The following SEZ6L variants were observed in gnomAD, a reference collection of about 807,000 sequenced individuals.
SEZ6L encodes the protein seizure related 6 homolog like.
SEZ6L carries 37 observed loss-of-function variants against 106.2 expected under a neutral mutation model. The ratio of observed to expected loss-of-function variants is 0.35; its 90% confidence interval spans 0.27 to 0.46. SEZ6L has a LOEUF of 0.46. Ranked by LOEUF, SEZ6L falls within the 20% of genes least tolerant of loss-of-function variation. The pLI is 1.00. For synonymous variants in SEZ6L, 541 were observed against 570.4 expected, an observed-to-expected ratio of 0.95 and a Z score of 0.73; for missense variants, 1,172 against 1,332.8, an observed-to-expected ratio of 0.88 and a Z score of 1.88.
At chr22:26,213,933 AAAAG>A (rs1237108852) in intron 1 of SEZ6L, among the ~76,000 whole-genome samples, 2 of 152,336 alleles carry the variant, frequency 1.3e-5, no homozygotes, top group East Asian at 1.9e-4. Context: ...AAAAAAAAGA[AAAAG>A]AAAGAAAGAT....
chr22:26,301,353 C>A (rs188123292), intron 5 of SEZ6L, among the ~76,000 whole-genome samples: 1 of 152,216 alleles, frequency 6.6e-6, no homozygotes, highest in African/African-American at 2.4e-5. Flanking sequence ...ATCCGCCGAG[C>A]GCCCACTGTG....
chr22:26,318,445 T>G (rs1322868086), intron 9 of SEZ6L, among the ~76,000 whole-genome samples: 2 of 150,780 alleles, frequency 1.3e-5, no homozygotes, highest in East Asian at 3.9e-4. Flanking sequence ...GAATCCAAAC[T>G]GAGGACCACC....
At chr22:26,294,255 T>G (rs1365912450) in intron 2 of SEZ6L, 37 bp from the exon 3 acceptor site, 1 of 1,609,448 alleles carries the variant, frequency 6.2e-7, no homozygotes, top group East Asian at 2.2e-5. Flanking sequence ...TACATCCAAG[T>G]TGTCTTTGGT....
intron 1 of SEZ6L, among the ~76,000 whole-genome samples, chr22:26,284,516 G>A (rs1601377835): frequency 6.7e-6 from 1 of 149,736 alleles, no homozygotes; most frequent in African/African-American, 2.5e-5. Context: ...AGATTGAAAT[G>A]GGAGGATCGC....
intron 5 of SEZ6L, among the ~76,000 whole-genome samples, chr22:26,303,010 A>G (rs909526525): frequency 5.3e-5 from 8 of 152,242 alleles, no homozygotes; most frequent in Admixed American, 5.2e-4. Context: ...CCCCATGCCC[A>G]TCGTTTCATT....
At chr22:26,239,880 C>T (rs534535941) in intron 1 of SEZ6L, among the ~76,000 whole-genome samples, 2 of 152,038 alleles carry the variant, frequency 1.3e-5, no homozygotes, top group East Asian at 3.9e-4. Context: ...TCTCTCCCAA[C>T]CCCAATCCCC....
intron 1 of SEZ6L, among the ~76,000 whole-genome samples, chr22:26,280,682 C>A (rs137194): frequency 0.41 from 61,826 of 151,990 alleles, 14,270 homozygotes; most frequent in African/African-American, 0.61. Flanking sequence ...CAATTCTGAG[C>A]TGCTCACCTC....
chr22:26,306,607 C>G lies in SEZ6L; in HGVS notation c.1514+463C>G, dbSNP rs996772125. ...AAAGAATGAAGGAGAAGTTACCAGG[C>G]AATATCTAAGCAAGAGTGTGTCTGT... On this transcript the variant is annotated intron_variant, in intron 6 of 16. Transcript: ENST00000248933. Among the ~76,000 whole-genome samples the G allele has an allele frequency of 2.6e-5, 4 of 152,232 alleles. No homozygotes were observed. The East Asian group carries it at 5.8e-4, about 22-fold the overall frequency.
rs537245063 is a variant in SEZ6L, at chr22:26,313,579, C to T, written c.1877-185C>T. On this transcript the variant is annotated intron_variant, in intron 8 of 16. Transcript: ENST00000248933. ...AGCTCTCATTTAATCATTACACACACACACACACACACACACACACACACG... is the reference window on the plus strand; with the variant it reads ...AGCTCTCATTTAATCATTACACACATACACACACACACACACACACACACG... 2.2e-3 allele frequency among the ~76,000 whole-genome samples: 162 copies of T among 72,686 alleles called. 1 individual carries two copies. Among genetic ancestry groups the T allele is most frequent in the Non-Finnish European group, 3.3e-3 (127 of 38,706 alleles). 47.7% of individuals were successfully genotyped at this position (72,686 alleles called of 152,430 possible).
At chr22:26,179,992 T>G (rs530919207) in intron 1 of SEZ6L, among the ~76,000 whole-genome samples, 1 of 152,338 alleles carries the variant, frequency 6.6e-6, no homozygotes, top group Non-Finnish European at 1.5e-5. Context: ...AAGTGCCCAG[T>G]AGCTATGTGT....
At chr22:26,208,850 C>CTGTG (rs35483380) in intron 1 of SEZ6L, among the ~76,000 whole-genome samples, 2,407 of 111,702 alleles carry the variant, frequency 0.022, 31 homozygotes, top group Non-Finnish European at 0.027. Flanking sequence ...GACTCTCTCT[C>CTGTG]TGTGTGTGTG....
intron 1 of SEZ6L, among the ~76,000 whole-genome samples, chr22:26,251,307 G>A (rs964820709): frequency 3.3e-5 from 5 of 149,536 alleles, no homozygotes; most frequent in Non-Finnish European, 7.4e-5. Flanking sequence ...TTGTGTTGAG[G>A]TATTCTCCTT....
At chr22:26,348,596 GAA>G (rs2083103922) in intron 11 of SEZ6L, among the ~76,000 whole-genome samples, 1 of 67,686 alleles carries the variant, frequency 1.5e-5, no homozygotes, top group African/African-American at 9.0e-5. Context: ...GAGAAAGAAA[GAA>G]AGAAAGAAAG....
At chr22:26,285,506 T>C (rs1445995210) in intron 1 of SEZ6L, among the ~76,000 whole-genome samples, 1 of 152,208 alleles carries the variant, frequency 6.6e-6, no homozygotes, top group African/African-American at 2.4e-5. Flanking sequence ...TCCAGTGGTC[T>C]TCAACCAGAG....
chr22:26,324,334 A>G (rs996798323), intron 9 of SEZ6L, among the ~76,000 whole-genome samples: 1 of 152,158 alleles, frequency 6.6e-6, no homozygotes, highest in African/African-American at 2.4e-5. Flanking sequence ...TATGAGCCCC[A>G]GCACAGTTCT....
At chr22:26,304,219 G>C (rs2081540278) in intron 5 of SEZ6L, among the ~76,000 whole-genome samples, 1 of 151,952 alleles carries the variant, frequency 6.6e-6, no homozygotes, top group African/African-American at 2.4e-5. Context: ...GGGCGCGGTG[G>C]TGGGCACCTG....
intron 1 of SEZ6L, among the ~76,000 whole-genome samples, chr22:26,247,730 T>C (rs2079410753): frequency 6.6e-6 from 1 of 152,132 alleles, no homozygotes; most frequent in African/African-American, 2.4e-5. Context: ...TAGATGGTGG[T>C]AATTTGTTGT....
In SEZ6L at chr22:26,383,008, C is replaced by T. The variant is rs1457383611; in HGVS notation, c.*2713C>T. On this transcript the variant is annotated 3_prime_UTR_variant, in exon 17 of 17. Transcript: ENST00000248933. ...TCATATAAGCTGTATCTGTCAGCTA[C>T]CACCCTGTGCTTTAAAAATGCACAC... 1 of 151,168 alleles carries T rather than the reference C, an allele frequency of 6.6e-6. No homozygotes were observed. The highest frequency in any genetic ancestry group is 2.4e-5 in the African/African-American group (1 of 41,098). The allele number at this position is 151,168 out of a possible 1,614,324, so 9.4% of individuals were successfully genotyped here. A position where few individuals can be genotyped will look rare whatever the true frequency, so the allele number is the denominator to read the frequency against.
chr22:26,375,475 T>C (rs1441572001), intron 14 of SEZ6L, 100 bp from the exon 15 acceptor site: 27 of 908,442 alleles, frequency 3.0e-5, no homozygotes, highest in Non-Finnish European at 4.5e-5. Context: ...GCCTTAGACC[T>C]TGGAAAGCCG....
Sources: gnomAD v4.1 joint callset for allele counts (sites outside exome capture counted in the v4.1 genomes callset) on GRCh38, gnomAD v4.1.1 for gene constraint, MANE v1.5 for transcripts, NCBI Gene and HGNC (gene_info 2026-07-23, HGNC 2026-07-21) for gene names.